The following CSMD1 variants were observed in gnomAD, a reference collection of about 807,000 sequenced individuals.
CSMD1 encodes the protein CUB and Sushi multiple domains 1.
In CSMD1, 213 loss-of-function variants were observed where a neutral mutation model predicts 417.5. The observed-to-expected ratio is 0.51, with a 90% CI of 0.46 to 0.57. The LOEUF (loss-of-function observed/expected upper bound fraction) is 0.57, where lower values mean the gene tolerates loss of function less well. Among genes scored for constraint, CSMD1 ranks in the 20% least tolerant of loss-of-function variants. CSMD1 has a pLI of 0.00. For synonymous variants in CSMD1, 2,862 were observed against 1,736.8 expected (o/e 1.65, Z -16.11); for missense variants, 6,923 against 4,529.7 (o/e 1.53, Z -15.17).
At chr8:3,679,123 C>G (rs2117592904) in intron 7 of CSMD1, among the ~76,000 whole-genome samples, 1 of 152,202 alleles carries the variant, frequency 6.6e-6, no homozygotes, top group Middle Eastern at 3.4e-3. Flanking sequence ...AAAACTGTAT[C>G]AACTAATGAG....
chr8:3,655,870 T>C (rs1053261363), intron 7 of CSMD1, among the ~76,000 whole-genome samples: 2 of 152,054 alleles, frequency 1.3e-5, no homozygotes, highest in African/African-American at 4.8e-5. Context: ...GACTTCATCT[T>C]TGGAAAGAAT....
intron 5 of CSMD1, among the ~76,000 whole-genome samples, chr8:3,792,538 T>G (rs1454822457): frequency 6.6e-6 from 1 of 152,300 alleles, no homozygotes; most frequent in Admixed American, 6.5e-5. Flanking sequence ...ATTGATTTAT[T>G]TTTCAGACTA....
At chr8:4,114,943 G>C (rs916828881) in intron 3 of CSMD1, among the ~76,000 whole-genome samples, 1 of 152,132 alleles carries the variant, frequency 6.6e-6, no homozygotes, top group African/African-American at 2.4e-5. Context: ...TCTACTCCTG[G>C]TAAAGATGCC....
intron 5 of CSMD1, among the ~76,000 whole-genome samples, chr8:3,890,201 A>G (rs1366830369): frequency 1.3e-5 from 2 of 152,204 alleles, no homozygotes; most frequent in Non-Finnish European, 2.9e-5. Flanking sequence ...CCTAAGAAGA[A>G]TACAATTTTA....
At chr8:3,454,207 T>C (rs1815951465) in intron 12 of CSMD1, among the ~76,000 whole-genome samples, 1 of 152,228 alleles carries the variant, frequency 6.6e-6, no homozygotes, top group Non-Finnish European at 1.5e-5. Context: ...TATGTGTGTC[T>C]CTGCACGTTA....
chr8:4,858,795 G>A (rs1306711864), intron 1 of CSMD1, among the ~76,000 whole-genome samples: 1 of 141,872 alleles, frequency 7.0e-6, no homozygotes, highest in Non-Finnish European at 1.5e-5. Context: ...AACATTCCAC[G>A]CTCATGGGTA....
intron 36 of CSMD1, chr8:3,182,841 G>C (rs926667130): frequency 9.2e-5 from 1 of 10,870 alleles, no homozygotes; most frequent in Non-Finnish European, 1.8e-4. Context: ...TTTATAAGAA[G>C]GTGTGTGTGT....
At chr8:3,807,028 C>A (rs532920737) in intron 5 of CSMD1, among the ~76,000 whole-genome samples, 16 of 152,172 alleles carry the variant, frequency 1.1e-4, no homozygotes, top group South Asian at 2.1e-4. Flanking sequence ...ATATTGTAAC[C>A]CAGGCAGTCT....
intron 3 of CSMD1, among the ~76,000 whole-genome samples, chr8:4,134,755 T>A (rs1420522547): frequency 6.6e-6 from 1 of 152,186 alleles, no homozygotes; most frequent in South Asian, 2.1e-4. Context: ...ATGTCTCCAA[T>A]ATACCCCTTC....
chr8:4,122,483 G>C (rs1019131933), intron 3 of CSMD1, among the ~76,000 whole-genome samples: 3 of 152,170 alleles, frequency 2.0e-5, no homozygotes, highest in African/African-American at 2.4e-5. Context: ...GAGACACGTA[G>C]ATTAAGTAAA....
intron 1 of CSMD1, among the ~76,000 whole-genome samples, chr8:4,922,323 G>A (rs927801311): frequency 6.6e-6 from 1 of 152,066 alleles, no homozygotes; most frequent in African/African-American, 2.4e-5. Flanking sequence ...ACCTATCCCT[G>A]TCCCACCCCA....
At chr8:4,001,755 G>C (rs1393986712) in intron 4 of CSMD1, among the ~76,000 whole-genome samples, 3 of 152,136 alleles carry the variant, frequency 2.0e-5, no homozygotes, top group Non-Finnish European at 4.4e-5. Flanking sequence ...ACTGAATCCA[G>C]GTAAGACCAG....
intron 2 of CSMD1, among the ~76,000 whole-genome samples, chr8:4,478,384 A>G (rs1800913611): frequency 6.6e-6 from 1 of 152,190 alleles, no homozygotes; most frequent in African/African-American, 2.4e-5. Flanking sequence ...GAAACACACA[A>G]GTCCAAAGTA....
chr8:3,814,287 T>C (rs934115142), intron 5 of CSMD1, among the ~76,000 whole-genome samples: 1 of 152,174 alleles, frequency 6.6e-6, no homozygotes, highest in African/African-American at 2.4e-5. Context: ...ATCTGAATCT[T>C]GAGTCATTTG....
In CSMD1 at chr8:4,590,241, G is replaced by A. The variant is rs190378279; in HGVS notation, c.302+47101C>T. Among the ~76,000 whole-genome samples the A allele has an allele frequency of 1.5e-3, 233 of 152,026 alleles. 1 individual carries two copies. Among genetic ancestry groups the A allele is most frequent in the South Asian group, 5.6e-3 (27 of 4,804 alleles). ...ATGTGTTACAAGAGTAGTGTCTAGC[G>A]TCATACTTGAAAGTGGAGAGATGGT... On this transcript the variant is annotated intron_variant, in intron 2 of 69. Coordinates refer to ENST00000635120, the MANE Select transcript of CSMD1 (RefSeq NM_033225.6).
chr8:3,467,760 C>G (rs113923813), intron 12 of CSMD1, among the ~76,000 whole-genome samples: 3 of 152,168 alleles, frequency 2.0e-5, no homozygotes, highest in African/African-American at 2.4e-5. Flanking sequence ...GACAATGTCC[C>G]TTACCATGCT....
chr8:3,406,008 G>T lies in CSMD1; in HGVS notation c.2266+19C>A, dbSNP rs965217182. 2.5e-6 allele frequency: 4 copies of T among 1,609,138 alleles called. No individual in the cohort carries two copies. The highest frequency in any genetic ancestry group is 2.2e-5 in the East Asian group (1 of 44,848). The stretch of plus-strand genomic sequence containing the variant: ...GTGTGATTTCAAAGGAGAAGAGCGG[G>T]GGGTGGCAGGGACTGCACCTTCACA... On this transcript the variant is annotated intron_variant, in intron 15 of 69. Transcript: ENST00000635120.
chr8:3,177,056 G>C (rs1194081264), intron 37 of CSMD1, among the ~76,000 whole-genome samples: 2 of 152,126 alleles, frequency 1.3e-5, no homozygotes, highest in African/African-American at 4.8e-5. Context: ...TGGATTATAA[G>C]CATGAGCAAC....
chr8:4,862,316 G>A (rs1563616725), intron 1 of CSMD1, among the ~76,000 whole-genome samples: 1 of 152,106 alleles, frequency 6.6e-6, no homozygotes, highest in African/African-American at 2.4e-5. Context: ...AGAACCTTAT[G>A]AATGAGATGG....
Sources: gnomAD v4.1 joint callset for allele counts (sites outside exome capture counted in the v4.1 genomes callset) on GRCh38, gnomAD v4.1.1 for gene constraint, MANE v1.5 for transcripts, NCBI Gene and HGNC (gene_info 2026-07-23, HGNC 2026-07-21) for gene names.